DOCK5: variants seen among roughly 807,000 people sequenced by gnomAD.
The protein encoded by DOCK5 is dedicator of cytokinesis 5.
In DOCK5, 142 loss-of-function variants were observed where a neutral mutation model predicts 251.8. That is an observed-to-expected ratio of 0.56 (90% CI 0.49 to 0.65). The LOEUF (loss-of-function observed/expected upper bound fraction) is 0.65, where lower values mean the gene tolerates loss of function less well. Ranked by LOEUF, DOCK5 falls within the 30% of genes least tolerant of loss-of-function variation. The pLI, the probability that DOCK5 is intolerant of heterozygous loss-of-function variation, is 0.00. For synonymous variants in DOCK5, 842 were observed against 835.5 expected (o/e 1.01, Z -0.13); for missense variants, 2,111 against 2,312.3 (o/e 0.91, Z 1.79).
At chr8:25,197,312 T>G (rs1801754552) in intron 1 of DOCK5, among the ~76,000 whole-genome samples, 1 of 152,242 alleles carries the variant, frequency 6.6e-6, no homozygotes, top group Non-Finnish European at 1.5e-5. Flanking sequence ...CCATGTCCTC[T>G]CAGAGCCTGG....
intron 1 of DOCK5, among the ~76,000 whole-genome samples, chr8:25,217,189 T>A (rs1510762): frequency 1.3e-5 from 2 of 148,240 alleles, no homozygotes; most frequent in African/African-American, 4.9e-5. Flanking sequence ...GAGAGAGAGA[T>A]ATATATATAT....
At position 25,272,330 on chromosome 8, in the gene DOCK5, C is replaced by T. The variant is rs145198639; in HGVS notation, c.169-3056C>T. Among the ~76,000 whole-genome samples, 836 of 152,254 alleles carry T rather than the reference C, an allele frequency of 5.5e-3. 6 individuals carry two copies. The highest frequency in any genetic ancestry group is 0.019 in the African/African-American group (776 of 41,558). On this transcript the variant is annotated intron_variant, in intron 3 of 51. Coordinates refer to ENST00000276440, the MANE Select transcript of DOCK5 (RefSeq NM_024940.8). ...AAGCATGATCCACTGTGCCTTGCCT[C>T]AAATATTCTCCTAATATGAAAATCA... is the stretch of plus-strand genomic sequence containing the variant.
At chr8:25,400,876 A>T in intron 46 of DOCK5, 53 bp from the exon 47 acceptor site, 1 of 1,605,890 alleles carries the variant, frequency 6.2e-7, no homozygotes, top group Non-Finnish European at 8.5e-7. Flanking sequence ...ACCAAATCAA[A>T]ACGATCCCTC....
intron 2 of DOCK5, among the ~76,000 whole-genome samples, chr8:25,264,234 C>T (rs1803670455): frequency 6.6e-6 from 1 of 151,562 alleles, no homozygotes; most frequent in South Asian, 2.1e-4. Context: ...TGGTGGCATG[C>T]ACCTGTATTC....
At chr8:25,292,273 C>A in intron 6 of DOCK5, 101 bp downstream of exon 6, 1 of 1,295,026 alleles carries the variant, frequency 7.7e-7, no homozygotes, top group Non-Finnish European at 1.0e-6. Flanking sequence ...TTAGAGTTGC[C>A]AAAGAATAAT....
Position 25,332,307 on chromosome 8 carries a change from C to G in DOCK5, c.1960C>G (p.Leu654Val), listed in dbSNP as rs1805700950. The G allele has an allele frequency of 3.7e-6, 6 of 1,613,440 alleles. No individual in the cohort carries two copies. Among genetic ancestry groups the G allele is most frequent in the South Asian group, 3.3e-5 (3 of 91,064 alleles). Residue 654 changes from leucine to valine, a missense_variant, in exon 19 of 52, where the codon CTA becomes GTA. Physicochemically the swap from Leu to Val is conservative, Grantham distance 32 (BLOSUM62 1). Around this residue, in one of 3 missense-constraint regions of DOCK5, gnomAD observed 1,717 missense variants for 1,892.4 expected, o/e 0.91. Coordinates refer to ENST00000276440, the MANE Select transcript of DOCK5 (RefSeq NM_024940.8). ...RSNSQNIKHN[L>V]KKLMEVDGGE... ...CAACTCCCAGAACATTAAACACAAC[C>G]TAAAGAAGTTAATGGAAGTGGATGG...
chr8:25,341,837 T>G (rs988245067), intron 24 of DOCK5, 28 bp downstream of exon 24: 3 of 1,543,096 alleles, frequency 1.9e-6, no homozygotes, highest in African/African-American at 2.7e-5. Flanking sequence ...ATTTTGTTCC[T>G]TAACTCTAAC....
At chr8:25,397,065 TAAA>T (rs1238651468) in intron 45 of DOCK5, among the ~76,000 whole-genome samples, 1 of 151,594 alleles carries the variant, frequency 6.6e-6, no homozygotes, top group African/African-American at 2.4e-5. Context: ...AATAAAAACA[TAAA>T]AAAATCAGCT....
intron 1 of DOCK5, among the ~76,000 whole-genome samples, chr8:25,206,329 C>A (rs1801999202): frequency 6.6e-6 from 1 of 152,050 alleles, no homozygotes; most frequent in African/African-American, 2.4e-5. Flanking sequence ...ACCATTCATG[C>A]TGCAATAGTG....
intron 47 of DOCK5, among the ~76,000 whole-genome samples, chr8:25,401,918 T>C (rs1480829446): frequency 6.6e-6 from 1 of 152,204 alleles, no homozygotes; most frequent in Non-Finnish European, 1.5e-5. Context: ...TTACATTTCA[T>C]ATGCATGTAG....
chr8:25,240,067 C>A (rs542464384), intron 1 of DOCK5, among the ~76,000 whole-genome samples: 6 of 152,110 alleles, frequency 3.9e-5, no homozygotes, highest in Non-Finnish European at 8.8e-5. Context: ...GTCAAGGACG[C>A]CTTTCTTCCC....
At chr8:25,318,598 T>C (rs1236116439) in intron 14 of DOCK5, among the ~76,000 whole-genome samples, 1 of 143,316 alleles carries the variant, frequency 7.0e-6, no homozygotes, top group Admixed American at 6.9e-5. Context: ...CCTTCTTTTT[T>C]TTTTTTTTTT....
intron 1 of DOCK5, among the ~76,000 whole-genome samples, chr8:25,224,906 A>T (rs1333564923): frequency 6.6e-6 from 1 of 152,214 alleles, no homozygotes; most frequent in Non-Finnish European, 1.5e-5. Context: ...AAAACCTCAT[A>T]ACTCAATTAA....
chr8:25,392,902 C>T lies in DOCK5; in HGVS notation c.4527+20C>T, dbSNP rs1442395629. On this transcript the variant is annotated intron_variant, in intron 44 of 51. Transcript: ENST00000276440. Reference sequence around the variant, plus strand: ...TCAACAGTGAGTCATTTGAAATTGGCATTTAGAAAAAAACTTTCTGTTTCC... The same window carrying T: ...TCAACAGTGAGTCATTTGAAATTGGTATTTAGAAAAAAACTTTCTGTTTCC... 1.3e-6 allele frequency: 2 copies of T among 1,582,112 alleles called. No individual in the cohort carries two copies. Among genetic ancestry groups the T allele is most frequent in the Non-Finnish European group, 1.7e-6 (2 of 1,158,378 alleles).
At chr8:25,343,589 T>G (rs1800297473) in intron 25 of DOCK5, among the ~76,000 whole-genome samples, 1 of 152,172 alleles carries the variant, frequency 6.6e-6, no homozygotes, top group Non-Finnish European at 1.5e-5. Context: ...AGATGACCCT[T>G]TTAAAAGAAA....
At chr8:25,380,491 G>GT (rs1469398987) in intron 39 of DOCK5, 97 bp downstream of exon 39, 6 of 1,036,486 alleles carry the variant, frequency 5.8e-6, no homozygotes, top group South Asian at 4.5e-5. Context: ...GATGAATGGT[G>GT]TTTTTTTACA....
chr8:25,380,239 G>GC, intron 38 of DOCK5, 66 bp from the exon 39 acceptor site: 1 of 1,460,694 alleles, frequency 6.8e-7, no homozygotes, highest in Middle Eastern at 1.7e-4. Flanking sequence ...CTCGCCAGTG[G>GC]CTTTTGCCAC....
chr8:25,384,403 G>A (rs993847805), intron 40 of DOCK5, among the ~76,000 whole-genome samples: 5 of 149,670 alleles, frequency 3.3e-5, no homozygotes, highest in African/African-American at 9.8e-5. Context: ...CCATTTTACT[G>A]TATGTAGATT....
intron 6 of DOCK5, among the ~76,000 whole-genome samples, chr8:25,293,801 C>G (rs1586302051): frequency 6.6e-6 from 1 of 152,064 alleles, no homozygotes; most frequent in Non-Finnish European, 1.5e-5. Context: ...GTCAGGAGTT[C>G]GAGACCAACC....
Sources: allele counts gnomAD v4.1 joint callset (sites outside exome capture counted in the v4.1 genomes callset), GRCh38; gene constraint gnomAD v4.1.1; regional missense constraint gnomAD v4.1.1; transcripts MANE v1.5; gene names NCBI Gene and HGNC (gene_info 2026-07-23, HGNC 2026-07-21).